The following DNMT1 variants were observed in gnomAD, a reference collection of about 807,000 sequenced individuals.
The protein encoded by DNMT1 is DNA (cytosine-5)-methyltransferase 1.
Under a neutral mutation model 205.3 loss-of-function variants are expected in DNMT1, and 24 were observed. That is an observed-to-expected ratio of 0.12 (90% CI 0.08 to 0.16). The LOEUF (loss-of-function observed/expected upper bound fraction) is 0.16. DNMT1 is among the 10% of genes least tolerant of loss of function. DNMT1 has a pLI of 1.00. For missense variants in DNMT1, 1,293 were observed against 2,177.7 expected (o/e 0.59, Z 8.09); for synonymous variants, 817 against 839.8 (o/e 0.97, Z 0.47).
At chr19:10,181,347 G>A (rs1376305747) in intron 2 of DNMT1, among the ~76,000 whole-genome samples, 1 of 151,970 alleles carries the variant, frequency 6.6e-6, no homozygotes, top group East Asian at 1.9e-4. Context: ...CTACTCAGGA[G>A]GCTGAGTGGG....
At position 10,138,657 on chromosome 19, in the gene DNMT1, G is replaced by A. The variant is rs1448266394; in HGVS notation, c.3949-52C>T. 2.5e-6 allele frequency: 4 copies of A among 1,575,944 alleles called. No homozygotes were observed. The highest frequency in any genetic ancestry group is 1.8e-5 in the Admixed American group (1 of 56,652). On this transcript the variant is annotated intron_variant, in intron 34 of 40. Transcript: ENST00000359526. This position sits in a 1 kb window ranked among gnomAD's most constrained non-coding sequence, Gnocchi z 4.1. ...CACCGTCAGTGGGACACTCCCAACT[G>A]GACTGGCCAGACCCAGGCCCAGGGT...
chr19:10,141,895 A>G, intron 30 of DNMT1, 133 bp downstream of exon 30: 1 of 1,056,632 alleles, frequency 9.5e-7, no homozygotes, highest in Non-Finnish European at 1.4e-6. Flanking sequence ...GAACAGCTTC[A>G]CGTCAGCCAA....
Position 10,134,206 on chromosome 19 carries a change from C to A in DNMT1, c.4864+11G>T, listed in dbSNP as rs771425791. On this transcript the variant is annotated intron_variant, in intron 40 of 40. Coordinates refer to ENST00000359526, the MANE Select transcript of DNMT1 (RefSeq NM_001130823.3). Reference sequence around the variant, plus strand: ...CAGGCCCCAGAGGAAGCCTGGCCCACCCCACCATACCTGAGGCACTCTCTC... The same window carrying A: ...CAGGCCCCAGAGGAAGCCTGGCCCAACCCACCATACCTGAGGCACTCTCTC... The A allele has an allele frequency of 1.2e-6, 2 of 1,614,152 alleles. No individual in the cohort carries two copies. The highest frequency in any genetic ancestry group is 1.7e-5 in the Admixed American group (1 of 60,026).
chr19:10,135,031 G>A (rs2089446268), intron 39 of DNMT1, among the ~76,000 whole-genome samples: 1 of 151,842 alleles, frequency 6.6e-6, no homozygotes, highest in Non-Finnish European at 1.5e-5. Context: ...GGCCAACATG[G>A]TGAAACCCCA....
intron 17 of DNMT1, among the ~76,000 whole-genome samples, chr19:10,158,422 C>T (rs1358318081): frequency 1.3e-5 from 2 of 152,320 alleles, no homozygotes; most frequent in South Asian, 2.1e-4. Flanking sequence ...GTACAGGAAC[C>T]GCTGCCTGGG....
intron 27 of DNMT1, among the ~76,000 whole-genome samples, chr19:10,148,683 C>T (rs542861641): frequency 2.6e-5 from 4 of 152,228 alleles, no homozygotes; most frequent in Non-Finnish European, 5.9e-5. Flanking sequence ...ACAAAGACAA[C>T]GCCAGGTCAT....
chr19:10,183,092 T>TAC (rs1555696069), intron 1 of DNMT1, among the ~76,000 whole-genome samples: 4 of 138,578 alleles, frequency 2.9e-5, no homozygotes, highest in South Asian at 2.3e-4. Flanking sequence ...TATATATATA[T>TAC]ACACGTATAT....
At chr19:10,141,704 A>C (rs1018247058) in intron 30 of DNMT1, 5 of 373,168 alleles carry the variant, frequency 1.3e-5, no homozygotes, top group Non-Finnish European at 2.5e-5. Context: ...CTAAGACACC[A>C]GTCAGGCTGG....
chr19:10,186,838 C>CAAAAAAAAAAAAAAAAAA (rs35238334), intron 1 of DNMT1, among the ~76,000 whole-genome samples: 62 of 70,676 alleles, frequency 8.8e-4, no homozygotes, highest in African/African-American at 3.2e-3. Flanking sequence ...AACTCCGTCT[C>CAAAAAAAAAAAAAAAAAA]AAAAAAAAAA....
intron 30 of DNMT1, chr19:10,141,408 C>G: frequency 1.8e-6 from 1 of 564,576 alleles, no homozygotes; most frequent in Non-Finnish European, 3.2e-6. Flanking sequence ...ACTGAAATGC[C>G]TATTACAAGC....
chr19:10,187,761 A>G (rs1051898646), intron 1 of DNMT1, among the ~76,000 whole-genome samples: 10 of 142,226 alleles, frequency 7.0e-5, no homozygotes, highest in East Asian at 4.3e-4. Flanking sequence ...TTAGCTACTC[A>G]GGAGGCTGAG....
chr19:10,187,132 C>A (rs777998847), intron 1 of DNMT1, among the ~76,000 whole-genome samples: 3 of 151,816 alleles, frequency 2.0e-5, no homozygotes, highest in Non-Finnish European at 4.4e-5. Flanking sequence ...TCACACTTAT[C>A]CATCTTGTTC....
At position 10,156,347 on chromosome 19, in the gene DNMT1, G is replaced by GT; in HGVS notation, c.1399+43dup. 2 of 1,510,486 alleles carry GT rather than the reference G, an allele frequency of 1.3e-6. No homozygotes were observed. The highest frequency in any genetic ancestry group is 1.8e-6 in the Non-Finnish European group (2 of 1,088,480). The allele number at this position is 1,510,486 out of a possible 1,614,324, so 93.6% of individuals were successfully genotyped here. A position where few individuals can be genotyped will look rare whatever the true frequency, so the allele number is the denominator to read the frequency against. On this transcript the variant is annotated intron_variant, in intron 18 of 40. Coordinates refer to ENST00000359526, the MANE Select transcript of DNMT1 (RefSeq NM_001130823.3). The surrounding 1 kb of genome is among the most constrained non-coding windows in gnomAD (Gnocchi z 4.2). Reference sequence around the variant, plus strand: ...CAGATGTGAGCCACCCTGCCTGGCTGTTTTTAAAGTGTGCCCCAAACATAA... The same window carrying GT: ...CAGATGTGAGCCACCCTGCCTGGCTGTTTTTTAAAGTGTGCCCCAAACATAA...
chr19:10,142,622 C>T (rs966271321), intron 29 of DNMT1, among the ~76,000 whole-genome samples: 4 of 150,564 alleles, frequency 2.7e-5, no homozygotes, highest in African/African-American at 7.4e-5. Flanking sequence ...TAATGACCCC[C>T]GACCCAGTTG....
Position 10,140,174 on chromosome 19 carries a change from C to G in DNMT1, c.3678G>C (p.Arg1226=). Residue 1226 remains arginine (R), a synonymous_variant, in exon 33 of 41, where the codon CGG becomes CGC. Transcript: ENST00000359526. The surrounding 1 kb of genome is among the most constrained non-coding windows in gnomAD (Gnocchi z 8.4). The part of the protein sequence containing the change: ...AGETTNSRGQ[R]LPQKGDVEML... The stretch of plus-strand genomic sequence containing the variant: ...TCTCCACGTCTCCCTTCTGGGGCAG[C>G]CGCTGGCCGCGGGAGTTGGTGGTCT... 1 of 1,613,958 alleles carries G rather than the reference C, an allele frequency of 6.2e-7. No homozygotes were observed. The highest frequency in any genetic ancestry group is 2.2e-5 in the East Asian group (1 of 44,884).
In DNMT1 at chr19:10,162,544, A is replaced by G. The variant is rs1297247162; in HGVS notation, c.1008+123T>C. On this transcript the variant is annotated intron_variant, in intron 13 of 40. Transcript: ENST00000359526. Reference sequence around the variant, plus strand: ...TTCAGCCTCTCAAAGTGCTGGGATTACAGGCGTGCGCCACCACGCCCAGTC... The same window carrying G: ...TTCAGCCTCTCAAAGTGCTGGGATTGCAGGCGTGCGCCACCACGCCCAGTC... 25 of 1,006,594 alleles carry G rather than the reference A, an allele frequency of 2.5e-5. 1 individual carries two copies. In the Admixed American group the frequency reaches 5.8e-4, roughly 23 times the overall value. The allele number at this position is 1,006,594 out of a possible 1,614,324, so 62.4% of individuals were successfully genotyped here.
Position 10,156,589 on chromosome 19 carries a change from G to T in DNMT1, c.1281-80C>A. 1 of 993,558 alleles carries T rather than the reference G, an allele frequency of 1.0e-6. No homozygotes were observed. The highest frequency in any genetic ancestry group is 1.6e-6 in the Non-Finnish European group (1 of 618,488). 61.5% of individuals were successfully genotyped at this position (993,558 alleles called of 1,614,324 possible). ...GTGCAGACTTCAGATCAGGCACGAG[G>T]CAATGAGAGAATGTACAAGTCTGAC... On this transcript the variant is annotated intron_variant, in intron 17 of 40. Transcript: ENST00000359526. This position sits in a 1 kb window ranked among gnomAD's most constrained non-coding sequence, Gnocchi z 4.2.
chr19:10,137,430 G>T lies in DNMT1; in HGVS notation c.4294-150C>A. 1.0e-6 allele frequency: 1 copy of T among 998,736 alleles called. No homozygotes were observed. The highest frequency in any genetic ancestry group is 1.5e-6 in the Non-Finnish European group (1 of 681,374). The allele number at this position is 998,736 out of a possible 1,614,324, so 61.9% of individuals were successfully genotyped here. ...AGAGACAGTCAGGGATATCGCACTTGGCTCGAGGCCACGGCAGGGACCTGA... is the reference window on the plus strand; with the variant it reads ...AGAGACAGTCAGGGATATCGCACTTTGCTCGAGGCCACGGCAGGGACCTGA... On this transcript the variant is annotated intron_variant, in intron 36 of 40. Coordinates refer to ENST00000359526, the MANE Select transcript of DNMT1 (RefSeq NM_001130823.3). The surrounding 1 kb of genome is among the most constrained non-coding windows in gnomAD (Gnocchi z 6.4).
Position 10,180,896 on chromosome 19 carries a change from G to A in DNMT1, c.118-11C>T. 1 of 1,612,040 alleles carries A rather than the reference G, an allele frequency of 6.2e-7. No individual in the cohort carries two copies. The highest frequency in any genetic ancestry group is 1.1e-5 in the South Asian group (1 of 90,998). On this transcript the variant is annotated splice_polypyrimidine_tract_variant and intron_variant, in intron 2 of 40. Coordinates refer to ENST00000359526, the MANE Select transcript of DNMT1 (RefSeq NM_001130823.3). ...CTCCTTCACACATTCCTAAGGGAAG[G>A]ATATAGGTTTAGCAGTACCCACATT...
Sources: allele counts gnomAD v4.1 joint callset (sites outside exome capture counted in the v4.1 genomes callset), GRCh38; gene constraint gnomAD v4.1.1; non-coding constraint Gnocchi (gnomAD v3.1); transcripts MANE v1.5; gene names NCBI Gene and HGNC (gene_info 2026-07-23, HGNC 2026-07-21).